The following GRID2 variants were observed in gnomAD, a reference collection of about 807,000 sequenced individuals.
GRID2 encodes glutamate ionotropic receptor delta type subunit 2, also known as glutamate receptor ionotropic, delta-2.
GRID2 carries 33 observed loss-of-function variants against 114.8 expected under a neutral mutation model. The observed-to-expected ratio is 0.29, with a 90% CI of 0.22 to 0.38. The LOEUF (loss-of-function observed/expected upper bound fraction) is 0.38. GRID2 is among the 10% of genes least tolerant of loss of function. The probability of loss-of-function intolerance (pLI) is 1.00; values close to 1 mark genes in which losing one functional copy is unlikely to be tolerated. For missense variants in GRID2, 1,184 were observed against 1,257.7 expected (o/e 0.94, Z 0.89); for synonymous variants, 505 against 449.9 (o/e 1.12, Z -1.55).
intron 1 of GRID2, among the ~76,000 whole-genome samples, chr4:92,401,477 C>G (rs1189028132): frequency 6.6e-6 from 1 of 152,012 alleles, no homozygotes; most frequent in Non-Finnish European, 1.5e-5. Flanking sequence ...TCAGAGATAT[C>G]ATGGGTTTAG....
chr4:92,593,386 T>C (rs1043189585), intron 2 of GRID2, among the ~76,000 whole-genome samples: 1 of 152,044 alleles, frequency 6.6e-6, no homozygotes, highest in Non-Finnish European at 1.5e-5. Context: ...CACTGTATCT[T>C]TCTACTGTTA....
intron 2 of GRID2, among the ~76,000 whole-genome samples, chr4:93,061,824 G>T (rs997533039): frequency 6.6e-6 from 1 of 152,076 alleles, no homozygotes; most frequent in African/African-American, 2.4e-5. Context: ...TAGACACTTG[G>T]CTACCACATT....
At chr4:93,085,808 T>C (rs1372694496) in intron 3 of GRID2, among the ~76,000 whole-genome samples, 1 of 152,120 alleles carries the variant, frequency 6.6e-6, no homozygotes, top group Non-Finnish European at 1.5e-5. Context: ...GTTCATATTA[T>C]ATGTTGTCTA....
intron 1 of GRID2, among the ~76,000 whole-genome samples, chr4:92,351,520 C>T (rs1270037391): frequency 6.6e-6 from 1 of 151,812 alleles, no homozygotes; most frequent in East Asian, 1.9e-4. Context: ...CTTTCAACAT[C>T]CTCTCTTCTA....
intron 2 of GRID2, among the ~76,000 whole-genome samples, chr4:92,709,043 A>C (rs1010880386): frequency 1.3e-5 from 2 of 152,196 alleles, no homozygotes; most frequent in Non-Finnish European, 1.5e-5. Context: ...GTGGATCAGC[A>C]AAATAGAAGG....
intron 14 of GRID2, among the ~76,000 whole-genome samples, chr4:93,631,297 A>G (rs1239596264): frequency 6.6e-6 from 1 of 151,848 alleles, no homozygotes; most frequent in Non-Finnish European, 1.5e-5. Context: ...TACATGTGCC[A>G]TGTTGGTGTG....
At chr4:93,199,456 G>C (rs1741851968) in intron 4 of GRID2, among the ~76,000 whole-genome samples, 1 of 152,142 alleles carries the variant, frequency 6.6e-6, no homozygotes, top group Non-Finnish European at 1.5e-5. Flanking sequence ...CTCAGCGGTG[G>C]CATATTTTCA....
rs1331605627 is a variant in GRID2 at position 93,490,644 on chromosome 4, G to A, written c.1864G>A (p.Glu622Lys). 1 of 1,605,718 alleles carries A rather than the reference G, an allele frequency of 6.2e-7. No homozygotes were observed. The highest frequency in any genetic ancestry group is 1.7e-5 in the Admixed American group (1 of 59,644). The change falls in exon 12 of 16, where the codon GAA (glutamate) becomes AAA (lysine). Residue 622 changes from glutamate (E) to lysine (K), a missense_variant. Physicochemically the swap from Glu to Lys is moderately conservative, Grantham distance 56 (BLOSUM62 1). This residue lies in a region of GRID2 where 717 missense variants were observed against 796.9 expected (regional missense o/e 0.90). Transcript: ENST00000282020. ...VYGSFVQQGG[E>K]VPYTTLATRM... is the part of the protein sequence containing the mutation. ...CTCTTTGCTTCTTTCTACAGGCGGG[G>A]AAGTCCCGTACACGACTCTGGCTAC... is the stretch of plus-strand genomic sequence containing the variant.
chr4:92,792,456 A>AACACACAC lies in GRID2; in HGVS notation c.244+202211_244+202218dup, dbSNP rs35204445. 8.4e-3 allele frequency among the ~76,000 whole-genome samples: 1,138 copies of AACACACAC among 136,158 alleles called. 15 individuals are homozygous for AACACACAC. Among genetic ancestry groups the AACACACAC allele is most frequent in the African/African-American group, 0.025 (918 of 36,208 alleles). 89.3% of individuals were successfully genotyped at this position (136,158 alleles called of 152,430 possible). On this transcript the variant is annotated intron_variant, in intron 2 of 15. Transcript: ENST00000282020. ...AAATGATTTTATTAGCAGGCAAGAG[A>AACACACAC]ACACACACACACACACACACACACA...
chr4:92,634,034 T>G (rs57939475), intron 2 of GRID2, among the ~76,000 whole-genome samples: 53,699 of 151,422 alleles, frequency 0.35, 9,591 homozygotes, highest in South Asian at 0.43. Flanking sequence ...CCAATCTTTT[T>G]GATTCTGTGG....
chr4:93,778,742 T>C (rs543722083), downstream of GRID2, among the ~76,000 whole-genome samples: 99 of 152,178 alleles, frequency 6.5e-4, no homozygotes, highest in Non-Finnish European at 7.8e-4. Context: ...AACTGAATAA[T>C]TAACATGCTC....
chr4:93,356,522 C>T (rs1168326460), intron 8 of GRID2, among the ~76,000 whole-genome samples: 1 of 151,486 alleles, frequency 6.6e-6, no homozygotes, highest in Non-Finnish European at 1.5e-5. Flanking sequence ...TTCTAAGTTA[C>T]TGAATTGAAT....
intron 2 of GRID2, among the ~76,000 whole-genome samples, chr4:92,640,970 G>A (rs62309170): frequency 0.056 from 8,456 of 151,750 alleles, 304 homozygotes; most frequent in East Asian, 0.16. Flanking sequence ...TAAGGTGTGT[G>A]TGCATCTAGT....
rs149975895 is a variant in GRID2 at position 93,071,278 on chromosome 4, T to A, written c.245-13717T>A. Among the ~76,000 whole-genome samples the A allele has an allele frequency of 1.0e-3, 154 of 152,206 alleles. 1 individual carries two copies. The highest frequency in any genetic ancestry group is 3.5e-3 in the African/African-American group (146 of 41,560). ...TATATCTAACCTACTTTACACCATG[T>A]CTGCCCTAATGATTAGACCACACCT... On this transcript the variant is annotated intron_variant, in intron 2 of 15. Transcript: ENST00000282020.
intron 2 of GRID2, among the ~76,000 whole-genome samples, chr4:92,942,497 C>T (rs1384807471): frequency 3.9e-5 from 6 of 152,146 alleles, no homozygotes; most frequent in African/African-American, 1.4e-4. Context: ...GAATACAGCA[C>T]ACTGATGGGT....
chr4:92,493,930 C>T (rs1259794407), intron 1 of GRID2, among the ~76,000 whole-genome samples: 3 of 152,082 alleles, frequency 2.0e-5, no homozygotes, highest in African/African-American at 2.4e-5. Flanking sequence ...TTTTAGTTTA[C>T]GTATAAGACA....
At chr4:92,534,809 T>C (rs1197492877) in intron 1 of GRID2, among the ~76,000 whole-genome samples, 1 of 152,146 alleles carries the variant, frequency 6.6e-6, no homozygotes, top group Non-Finnish European at 1.5e-5. Flanking sequence ...CCCACCTTTA[T>C]TAAAGACGTT....
chr4:93,557,003 CGAA>C (rs1734387522), intron 13 of GRID2, among the ~76,000 whole-genome samples: 1 of 152,030 alleles, frequency 6.6e-6, no homozygotes, highest in African/African-American at 2.4e-5. Context: ...GCTTCATCAG[CGAA>C]GAAGAAATAA....
intron 1 of GRID2, among the ~76,000 whole-genome samples, chr4:92,507,618 C>G (rs1248585400): frequency 6.6e-6 from 1 of 151,854 alleles, no homozygotes; most frequent in East Asian, 1.9e-4. Flanking sequence ...TGTAAAAACT[C>G]TCAATATTGT....
Sources: allele counts gnomAD v4.1 joint callset (sites outside exome capture counted in the v4.1 genomes callset), GRCh38; gene constraint gnomAD v4.1.1; regional missense constraint gnomAD v4.1.1; transcripts MANE v1.5; gene names NCBI Gene and HGNC (gene_info 2026-07-23, HGNC 2026-07-21).